Variants in PDE4D observed in about 807,000 individuals in gnomAD.
PDE4D encodes the protein 3',5'-cyclic-AMP phosphodiesterase 4D.
PDE4D carries 24 observed loss-of-function variants against 87.4 expected under a neutral mutation model. The ratio of observed to expected loss-of-function variants is 0.27; its 90% CI spans 0.20 to 0.39. The LOEUF is 0.39. Ranked by LOEUF, PDE4D falls within the 10% of genes least tolerant of loss-of-function variation. The pLI is 1.00. For missense variants in PDE4D, 714 were observed against 1,041.0 expected (o/e 0.69, Z 4.32); for synonymous variants, 384 against 383.2 (o/e 1.00, Z -0.02).
intron 3 of PDE4D, among the ~76,000 whole-genome samples, chr5:59,187,489 C>G (rs28705844): frequency 6.6e-6 from 1 of 151,902 alleles, no homozygotes; most frequent in African/African-American, 2.4e-5. Context: ...ATACTGATAA[C>G]TGTTCTATTT....
intron 1 of PDE4D, among the ~76,000 whole-genome samples, chr5:59,576,582 T>A (rs1823199150): frequency 6.6e-6 from 1 of 152,148 alleles, no homozygotes; most frequent in South Asian, 2.1e-4. Context: ...AACACCATGC[T>A]GGGTATTGTG....
chr5:59,854,805 AC>A (rs570484003), intron 1 of PDE4D, among the ~76,000 whole-genome samples: 92 of 152,100 alleles, frequency 6.0e-4, no homozygotes, highest in African/African-American at 2.1e-3. Flanking sequence ...ACATTTATTC[AC>A]CCTCTCTCCC....
At chr5:59,010,398 A>T (rs1002440088) in intron 6 of PDE4D, among the ~76,000 whole-genome samples, 14 of 151,358 alleles carry the variant, frequency 9.2e-5, no homozygotes, top group African/African-American at 2.4e-4. Flanking sequence ...TTATTATTTT[A>T]TTTTTTTTTA....
intron 1 of PDE4D, among the ~76,000 whole-genome samples, chr5:59,538,601 G>T (rs1815713003): frequency 6.6e-6 from 1 of 152,072 alleles, no homozygotes; most frequent in Admixed American, 6.5e-5. Flanking sequence ...ATGAGTACCG[G>T]TCTGAATTAT....
rs530675497 is a variant in PDE4D, at chr5:59,824,676, G to A, written c.455+68492C>T. ...TTAATAATGTAAGTATGAATTTGGC[G>A]GGAAAGTCCCAGTCTTTTGTATGCT... On this transcript the variant is annotated intron_variant, in intron 1 of 14. Transcript: ENST00000340635. 8.5e-5 allele frequency among the ~76,000 whole-genome samples: 13 copies of A among 152,210 alleles called. 1 individual carries two copies. The South Asian group carries it at 1.2e-3, about 15-fold the overall frequency.
chr5:60,504,092 AAGGGAAT>A (rs1750216303), intron 1 of PDE4D, among the ~76,000 whole-genome samples: 1 of 152,196 alleles, frequency 6.6e-6, no homozygotes, highest in Non-Finnish European at 1.5e-5. Context: ...TGATAAGTCA[AAGGGAAT>A]AAGGGCTTCC....
chr5:59,667,989 A>G (rs1746358103), intron 1 of PDE4D, among the ~76,000 whole-genome samples: 1 of 152,030 alleles, frequency 6.6e-6, no homozygotes, highest in African/African-American at 2.4e-5. Flanking sequence ...TCTGTCTTCA[A>G]TTTTTCTGTT....
intron 1 of PDE4D, among the ~76,000 whole-genome samples, chr5:60,189,995 C>T (rs1785078962): frequency 7.3e-6 from 1 of 137,772 alleles, no homozygotes; most frequent in African/African-American, 3.0e-5. Flanking sequence ...CCAAACTTGG[C>T]AGTTTATTCC....
At chr5:59,012,884 A>G (rs1197881782) in intron 6 of PDE4D, among the ~76,000 whole-genome samples, 2 of 152,224 alleles carry the variant, frequency 1.3e-5, no homozygotes, top group Admixed American at 1.3e-4. Context: ...TTATTCCAAA[A>G]CTGACCACAT....
At chr5:60,255,799 A>G (rs1748990248) in intron 1 of PDE4D, among the ~76,000 whole-genome samples, 1 of 150,312 alleles carries the variant, frequency 6.7e-6, no homozygotes, top group Non-Finnish European at 1.5e-5. Context: ...GTGAGACTCT[A>G]TCTCCACAAC....
At chr5:60,293,711 C>T (rs573802053) in intron 1 of PDE4D, among the ~76,000 whole-genome samples, 5 of 151,996 alleles carry the variant, frequency 3.3e-5, no homozygotes, top group Non-Finnish European at 5.9e-5. Flanking sequence ...CTTTTTGTCT[C>T]GATTCCTTGA....
chr5:60,315,968 G>C (rs1038103352), intron 1 of PDE4D, among the ~76,000 whole-genome samples: 1 of 152,104 alleles, frequency 6.6e-6, no homozygotes, highest in African/African-American at 2.4e-5. Context: ...TTGGCAATGT[G>C]GGCTCTTTTT....
intron 2 of PDE4D, among the ~76,000 whole-genome samples, chr5:60,179,537 A>G (rs991691246): frequency 6.6e-6 from 1 of 151,808 alleles, no homozygotes; most frequent in African/African-American, 2.4e-5. Context: ...TTCTCATTTT[A>G]CCCTTGAAAA....
intron 1 of PDE4D, among the ~76,000 whole-genome samples, chr5:59,405,475 T>C (rs548683627): frequency 4.6e-5 from 7 of 152,230 alleles, no homozygotes; most frequent in Non-Finnish European, 8.8e-5. Flanking sequence ...AGTGTTTTGG[T>C]GAAGTCTTTA....
At chr5:59,974,066 C>G (rs1358864711) in intron 3 of PDE4D, among the ~76,000 whole-genome samples, 1 of 152,130 alleles carries the variant, frequency 6.6e-6, no homozygotes, top group Non-Finnish European at 1.5e-5. Flanking sequence ...ACGTGCCTTT[C>G]TGTTGTTTCA....
intron 5 of PDE4D, among the ~76,000 whole-genome samples, chr5:59,119,070 G>A (rs898158069): frequency 2.6e-5 from 4 of 152,122 alleles, no homozygotes; most frequent in African/African-American, 7.2e-5. Flanking sequence ...ATTAAAAAAA[G>A]CTTCTGAGAA....
chr5:59,901,048 G>A (rs995338274), intron 3 of PDE4D, among the ~76,000 whole-genome samples: 1 of 152,144 alleles, frequency 6.6e-6, no homozygotes, highest in Non-Finnish European at 1.5e-5. Context: ...CTCAACTATT[G>A]TAATTAACGG....
intron 1 of PDE4D, among the ~76,000 whole-genome samples, chr5:60,231,618 T>G (rs1452583927): frequency 6.6e-6 from 1 of 151,824 alleles, no homozygotes; most frequent in African/African-American, 2.4e-5. Context: ...CACGGGAACA[T>G]CTCAAAGAGA....
At chr5:59,415,439 T>C (rs1793432485) in intron 1 of PDE4D, among the ~76,000 whole-genome samples, 1 of 152,224 alleles carries the variant, frequency 6.6e-6, no homozygotes, top group Non-Finnish European at 1.5e-5. Flanking sequence ...AACTGTCTAA[T>C]ACGGCAGCCA....
Sources: allele counts gnomAD v4.1 joint callset (sites outside exome capture counted in the v4.1 genomes callset), GRCh38; gene constraint gnomAD v4.1.1; transcripts MANE v1.5; gene names NCBI Gene and HGNC (gene_info 2026-07-23, HGNC 2026-07-21).